Variants in DPYSL5 observed in about 807,000 individuals in gnomAD.
The protein encoded by DPYSL5 is dihydropyrimidinase-related protein 5.
In DPYSL5, 9 loss-of-function variants were observed where a neutral mutation model predicts 58.4. That is an observed-to-expected ratio of 0.15 (90% CI 0.09 to 0.27). The LOEUF (loss-of-function observed/expected upper bound fraction) is 0.27. Among genes scored for constraint, DPYSL5 ranks in the 10% least tolerant of loss-of-function variants. The probability of loss-of-function intolerance (pLI) is 1.00; values close to 1 mark genes in which losing one functional copy is unlikely to be tolerated. For missense variants in DPYSL5, 499 were observed against 770.6 expected (o/e 0.65, Z 4.17); for synonymous variants, 293 against 301.9 (o/e 0.97, Z 0.31).
In DPYSL5 at chr2:26,949,012, A is replaced by G. The variant is rs569538076; in HGVS notation, c.*2017A>G. The G allele has an allele frequency of 6.6e-6, 1 of 152,350 alleles. No homozygotes were observed. The highest frequency in any genetic ancestry group is 2.4e-5 in the African/African-American group (1 of 41,564). 9.4% of individuals were successfully genotyped at this position (152,350 alleles called of 1,614,324 possible). ...TACAGATGAGGAAACTAAGACCCAG[A>G]AAGTTCAGGTCCTCTGACCCCAGAA... On this transcript the variant is annotated 3_prime_UTR_variant, in exon 13 of 13. Coordinates refer to ENST00000288699, the MANE Select transcript of DPYSL5 (RefSeq NM_020134.4).
At chr2:26,874,356 A>AT (rs1212835325) in intron 1 of DPYSL5, among the ~76,000 whole-genome samples, 3 of 151,864 alleles carry the variant, frequency 2.0e-5, no homozygotes, top group African/African-American at 7.3e-5. Context: ...TTTCTCCTAT[A>AT]TTTTTTCCTA....
At chr2:26,892,317 A>G (rs1170879405) in intron 1 of DPYSL5, among the ~76,000 whole-genome samples, 3 of 152,162 alleles carry the variant, frequency 2.0e-5, no homozygotes, top group Non-Finnish European at 2.9e-5. Context: ...TCTTACTTCT[A>G]TTGAAGATGA....
rs951901510 is a variant in DPYSL5, at chr2:26,927,187, G to C, written c.421-66G>C. On this transcript the variant is annotated intron_variant, in intron 3 of 12. Transcript: ENST00000288699. The surrounding 1 kb of genome is among the most constrained non-coding windows in gnomAD (Gnocchi z 4.3). ...CCCACATCTCCCCCATGCTGGGCCG[G>C]TGCCTGCCAGTCGGCCTCTTGGGTG... The C allele has an allele frequency of 6.6e-7, 1 of 1,515,960 alleles. No individual in the cohort carries two copies. The highest frequency in any genetic ancestry group is 8.9e-7 in the Non-Finnish European group (1 of 1,120,044). 93.9% of individuals were successfully genotyped at this position (1,515,960 alleles called of 1,614,324 possible).
intron 1 of DPYSL5, among the ~76,000 whole-genome samples, chr2:26,865,431 CT>C (rs111571650): frequency 6.6e-6 from 1 of 151,440 alleles, no homozygotes; most frequent in African/African-American, 2.4e-5. Context: ...AGCAATTCTC[CT>C]GCCTCAGCCT....
Position 26,944,684 on chromosome 2 carries a change from C to T in DPYSL5, c.1469C>T (p.Thr490Ile), listed in dbSNP as rs1301464341. ...TTAAAGGTTAGAGGAGTGGACCGCA[C>T]TCCCTACCTGGGGGATGTCGCTGTT... ...KTLKVRGVDR[T>I]PYLGDVAVVV... The change falls in exon 12 of 13, where the codon ACT becomes ATT. Residue 490 changes from threonine (T) to isoleucine (I), a missense_variant. By Grantham distance (89) the Thr-to-Ile change is moderately conservative. This residue lies in a region of DPYSL5 where 62 missense variants were observed against 59.2 expected (regional missense o/e 1.05). Transcript: ENST00000288699. The surrounding 1 kb of genome is among the most constrained non-coding windows in gnomAD (Gnocchi z 4.4). 1 of 1,614,110 alleles carries T rather than the reference C, an allele frequency of 6.2e-7. No individual in the cohort carries two copies. Among genetic ancestry groups the T allele is most frequent in the Non-Finnish European group, 8.5e-7 (1 of 1,179,988 alleles).
Position 26,942,947 on chromosome 2 carries a change from G to A in DPYSL5, c.1440+197G>A, listed in dbSNP as rs1246396540. On this transcript the variant is annotated intron_variant, in intron 11 of 12. Coordinates refer to ENST00000288699, the MANE Select transcript of DPYSL5 (RefSeq NM_020134.4). The surrounding 1 kb of genome is among the most constrained non-coding windows in gnomAD (Gnocchi z 5.9). ...CAGAAAATGCTGATTTCTGTTCCCC[G>A]TCTTTGATTACCAAGTGGCATTTTA... Among the ~76,000 whole-genome samples, 4 of 152,218 alleles carry A rather than the reference G, an allele frequency of 2.6e-5. No homozygotes were observed. The highest frequency in any genetic ancestry group is 5.9e-5 in the Non-Finnish European group (4 of 68,038).
intron 8 of DPYSL5, among the ~76,000 whole-genome samples, chr2:26,935,040 C>T (rs1313347871): frequency 6.6e-6 from 1 of 152,180 alleles, no homozygotes; most frequent in Admixed American, 6.5e-5. Context: ...AGCTGCAGAA[C>T]GTGGCCTGTG....
At chr2:26,918,388 TTC>T (rs777016813) in intron 2 of DPYSL5, among the ~76,000 whole-genome samples, 4 of 152,170 alleles carry the variant, frequency 2.6e-5, no homozygotes, top group Non-Finnish European at 4.4e-5. Context: ...AGAGCTTGCT[TTC>T]CAGAGGGCCA....
chr2:26,849,311 G>T lies in DPYSL5; in HGVS notation c.-5+1057G>T, dbSNP rs1665685510. 6.6e-6 allele frequency among the ~76,000 whole-genome samples: 1 copy of T among 151,888 alleles called. No homozygotes were observed. The highest frequency in any genetic ancestry group is 1.5e-5 in the Non-Finnish European group (1 of 67,924). On this transcript the variant is annotated intron_variant, in intron 1 of 12. Transcript: ENST00000288699. This position sits in a 1 kb window ranked among gnomAD's most constrained non-coding sequence, Gnocchi z 6.2. ...GAGGAGAAGACCCGCGCTGTGCGGG[G>T]GAGGGGGGCCTCCTGGGAAGGGGAG...
At chr2:26,920,355 A>G (rs1251399762) in intron 2 of DPYSL5, among the ~76,000 whole-genome samples, 1 of 152,238 alleles carries the variant, frequency 6.6e-6, no homozygotes, top group African/African-American at 2.4e-5. Context: ...AATTTTAAAT[A>G]CTGCAGTTTT....
At chr2:26,906,025 G>GT (rs1664278971) in intron 2 of DPYSL5, among the ~76,000 whole-genome samples, 1 of 152,016 alleles carries the variant, frequency 6.6e-6, no homozygotes, top group Non-Finnish European at 1.5e-5. Flanking sequence ...CTGTTTCCTT[G>GT]TTGGCTGTCA....
chr2:26,879,777 A>C (rs1663509957), intron 1 of DPYSL5, among the ~76,000 whole-genome samples: 1 of 152,180 alleles, frequency 6.6e-6, no homozygotes, highest in African/African-American at 2.4e-5. Context: ...TGGTGAAATC[A>C]GCTCTTATTA....
Position 26,927,843 on chromosome 2 carries a change from A to C in DPYSL5, c.600+411A>C, listed in dbSNP as rs1664865457. On this transcript the variant is annotated intron_variant, in intron 4 of 12. Transcript: ENST00000288699. The surrounding 1 kb of genome is among the most constrained non-coding windows in gnomAD (Gnocchi z 4.3). ...AAGAGATCTATTCATGGCACCAGGA[A>C]GGATAAGCCTCTGGTGCATTCTCCT... Among the ~76,000 whole-genome samples the C allele has an allele frequency of 6.6e-6, 1 of 152,216 alleles. No homozygotes were observed. Among genetic ancestry groups the C allele is most frequent in the Non-Finnish European group, 1.5e-5 (1 of 68,036 alleles).
intron 1 of DPYSL5, among the ~76,000 whole-genome samples, chr2:26,874,707 C>A (rs867643605): frequency 1.6e-4 from 25 of 152,226 alleles, no homozygotes; most frequent in African/African-American, 5.5e-4. Context: ...GGAGGCCCAG[C>A]CTTTGCAGGG....
chr2:26,933,336 G>A lies in DPYSL5; in HGVS notation c.790+3G>A. On this transcript the variant is annotated splice_donor_region_variant and intron_variant, in intron 7 of 12. Transcript: ENST00000288699. This position sits in a 1 kb window ranked among gnomAD's most constrained non-coding sequence, Gnocchi z 4.2. ...TATCGCAGCTGCTAAGATGCAAGGT[G>A]AGTCCATAGACTTGGCTGGACAGAG... 2 of 1,613,856 alleles carry A rather than the reference G, an allele frequency of 1.2e-6. No homozygotes were observed. The highest frequency in any genetic ancestry group is 1.3e-5 in the African/African-American group (1 of 75,034).
intron 6 of DPYSL5, 53 bp downstream of exon 6, chr2:26,931,737 G>A (rs932075629): frequency 1.3e-5 from 21 of 1,594,196 alleles, no homozygotes; most frequent in Non-Finnish European, 1.6e-5. Flanking sequence ...GGCCAGGCAC[G>A]GTGCTGATGT....
At chr2:26,910,950 T>G (rs1197842850) in intron 2 of DPYSL5, among the ~76,000 whole-genome samples, 1 of 152,158 alleles carries the variant, frequency 6.6e-6, no homozygotes, top group Non-Finnish European at 1.5e-5. Flanking sequence ...AGAAATTTTT[T>G]CAGAATCCAA....
At position 26,944,113 on chromosome 2, in the gene DPYSL5, AC is replaced by A. The variant is rs1194720891; in HGVS notation, c.1441-539del. Among the ~76,000 whole-genome samples the A allele has an allele frequency of 6.6e-6, 1 of 151,994 alleles. No homozygotes were observed. Among genetic ancestry groups the A allele is most frequent in the Non-Finnish European group, 1.5e-5 (1 of 67,994 alleles). ...AAGACCAGCTGGCCAAGATGGTGAAACCCCGTCTCTATTAAAAATACAAAAA... is the reference window on the plus strand; with the variant it reads ...AAGACCAGCTGGCCAAGATGGTGAAACCCGTCTCTATTAAAAATACAAAAA... On this transcript the variant is annotated intron_variant, in intron 11 of 12. Coordinates refer to ENST00000288699, the MANE Select transcript of DPYSL5 (RefSeq NM_020134.4). This position sits in a 1 kb window ranked among gnomAD's most constrained non-coding sequence, Gnocchi z 4.4.
chr2:26,876,934 C>T (rs529243067), intron 1 of DPYSL5, among the ~76,000 whole-genome samples: 49 of 151,246 alleles, frequency 3.2e-4, no homozygotes, highest in Non-Finnish European at 6.6e-4. Context: ...ACCCCATTCA[C>T]CAGTGCTGTT....
Sources: allele counts gnomAD v4.1 joint callset (sites outside exome capture counted in the v4.1 genomes callset), GRCh38; gene constraint gnomAD v4.1.1; regional missense constraint gnomAD v4.1.1; non-coding constraint Gnocchi (gnomAD v3.1); transcripts MANE v1.5; gene names NCBI Gene and HGNC (gene_info 2026-07-23, HGNC 2026-07-21).